DAB2IP: variants seen among roughly 807,000 people sequenced by gnomAD.
DAB2IP encodes DAB2 interacting protein, also known as disabled homolog 2-interacting protein.
In DAB2IP, 28 loss-of-function variants were observed where a neutral mutation model predicts 107.2. That is an observed-to-expected ratio of 0.26 (90% CI 0.19 to 0.36). The LOEUF (loss-of-function observed/expected upper bound fraction) is 0.36. DAB2IP is among the 10% of genes least tolerant of loss of function. The probability of loss-of-function intolerance (pLI) is 1.00; values close to 1 mark genes in which losing one functional copy is unlikely to be tolerated. For missense variants in DAB2IP, 1,400 were observed against 1,644.7 expected (o/e 0.85, Z 2.57); for synonymous variants, 755 against 706.4 (o/e 1.07, Z -1.09).
chr9:121,616,658 G>C (rs1417262367), intron 1 of DAB2IP, among the ~76,000 whole-genome samples: 1 of 152,214 alleles, frequency 6.6e-6, no homozygotes, highest in Non-Finnish European at 1.5e-5. Context: ...TTGCTGAAGG[G>C]AAGTAAGGAG....
chr9:121,571,220 G>A lies in DAB2IP; in HGVS notation c.40+3992G>A, dbSNP rs115982071. Among the ~76,000 whole-genome samples, 1,096 of 152,092 alleles carry A rather than the reference G, an allele frequency of 7.2e-3. 25 individuals are homozygous for A. The highest frequency in any genetic ancestry group is 0.025 in the African/African-American group (1,053 of 41,410). On this transcript the variant is annotated intron_variant, in intron 1 of 16. Transcript: ENST00000259371. ...AGGCCCTCTTTTCCTTTATGGACGT[G>A]TTCATATGTGCACTACACATTATTG...
intron 3 of DAB2IP, among the ~76,000 whole-genome samples, chr9:121,716,319 G>A (rs1196324309): frequency 6.6e-6 from 1 of 152,216 alleles, no homozygotes; most frequent in Non-Finnish European, 1.5e-5. Flanking sequence ...AGAGCCTGGT[G>A]CTCAGCTGAA....
chr9:121,613,417 G>C (rs1331151956), intron 1 of DAB2IP, among the ~76,000 whole-genome samples: 1 of 152,168 alleles, frequency 6.6e-6, no homozygotes, highest in African/African-American at 2.4e-5. Flanking sequence ...GCATTGTTTA[G>C]TTAATTACCA....
At chr9:121,783,916 G>A in exon 16 of DAB2IP, 1 of 303,944 alleles carries the variant, frequency 3.3e-6, no homozygotes, top group Non-Finnish European at 6.3e-6. Flanking sequence ...CCCTGGGTAA[G>A]AAGGGTGGGA....
intron 3 of DAB2IP, among the ~76,000 whole-genome samples, chr9:121,718,833 T>G (rs1830759958): frequency 6.6e-6 from 1 of 152,216 alleles, no homozygotes; most frequent in South Asian, 2.1e-4. Flanking sequence ...GATTCCTACT[T>G]TGATCATACC....
chr9:121,735,478 C>T (rs1171897923), intron 3 of DAB2IP, among the ~76,000 whole-genome samples: 1 of 152,230 alleles, frequency 6.6e-6, no homozygotes, highest in African/African-American at 2.4e-5. Flanking sequence ...TTTGCTAAAA[C>T]AGTGGCGCAG....
intron 3 of DAB2IP, among the ~76,000 whole-genome samples, chr9:121,728,587 AAT>A (rs2118845101): frequency 6.6e-6 from 1 of 150,838 alleles, no homozygotes; most frequent in Non-Finnish European, 1.5e-5. Flanking sequence ...CCATGCCAAG[AAT>A]ACATACCCAA....
chr9:121,733,636 G>T (rs1831678451), intron 3 of DAB2IP, among the ~76,000 whole-genome samples: 2 of 152,240 alleles, frequency 1.3e-5, no homozygotes, highest in Non-Finnish European at 2.9e-5. Flanking sequence ...GCAGTAGCCA[G>T]GAGAAGGGAG....
intron 1 of DAB2IP, among the ~76,000 whole-genome samples, chr9:121,661,860 G>A (rs948080762): frequency 6.6e-6 from 1 of 151,970 alleles, no homozygotes; most frequent in African/African-American, 2.4e-5. Flanking sequence ...ACAGGCCTGT[G>A]GTGTTAACTG....
At chr9:121,742,001 G>C (rs758391604) in intron 3 of DAB2IP, among the ~76,000 whole-genome samples, 1 of 151,976 alleles carries the variant, frequency 6.6e-6, no homozygotes, top group Non-Finnish European at 1.5e-5. Flanking sequence ...TTACCATCAG[G>C]CTACACATTC....
chr9:121,601,693 T>C (rs1000287447), intron 1 of DAB2IP, among the ~76,000 whole-genome samples: 2 of 152,142 alleles, frequency 1.3e-5, no homozygotes, highest in Admixed American at 6.5e-5. Context: ...CTTGCACCCA[T>C]AAAACAAACC....
intron 1 of DAB2IP, among the ~76,000 whole-genome samples, chr9:121,580,710 C>T (rs982528186): frequency 3.3e-5 from 5 of 152,086 alleles, no homozygotes; most frequent in Non-Finnish European, 7.4e-5. Flanking sequence ...CTGCAAGCTC[C>T]GCCTCTCAGG....
intron 1 of DAB2IP, among the ~76,000 whole-genome samples, chr9:121,616,683 G>T (rs923666907): frequency 6.6e-6 from 1 of 152,234 alleles, no homozygotes; most frequent in Non-Finnish European, 1.5e-5. Context: ...AAGGCAAATT[G>T]TCAGGTCTGA....
At chr9:121,768,195 G>C (rs1176426306) in intron 9 of DAB2IP, among the ~76,000 whole-genome samples, 1 of 152,184 alleles carries the variant, frequency 6.6e-6, no homozygotes, top group Non-Finnish European at 1.5e-5. Flanking sequence ...GCAGTGTATG[G>C]GGGACACAGA....
intron 1 of DAB2IP, among the ~76,000 whole-genome samples, chr9:121,610,464 G>C (rs563568938): frequency 3.3e-5 from 5 of 152,278 alleles, no homozygotes; most frequent in Non-Finnish European, 7.3e-5. Flanking sequence ...GAGAGGAGGA[G>C]TGACTTGCCT....
At chr9:121,646,900 C>G (rs1196980106), upstream of DAB2IP, among the ~76,000 whole-genome samples, 1 of 152,194 alleles carries the variant, frequency 6.6e-6, no homozygotes, top group Non-Finnish European at 1.5e-5. Flanking sequence ...CTTTAGGGAA[C>G]TCACCTACCC....
At chr9:121,620,747 C>G (rs1831432794) in intron 1 of DAB2IP, among the ~76,000 whole-genome samples, 1 of 152,122 alleles carries the variant, frequency 6.6e-6, no homozygotes, top group Non-Finnish European at 1.5e-5. Flanking sequence ...CTGTTGACAC[C>G]GCTTGACCCT....
chr9:121,720,784 C>T (rs1830881122), intron 3 of DAB2IP, among the ~76,000 whole-genome samples: 1 of 152,154 alleles, frequency 6.6e-6, no homozygotes, highest in African/African-American at 2.4e-5. Context: ...AGGGCTCCAC[C>T]CAGCAGGAGC....
At chr9:121,728,419 C>T (rs565576243) in intron 3 of DAB2IP, among the ~76,000 whole-genome samples, 2 of 152,232 alleles carry the variant, frequency 1.3e-5, no homozygotes, top group Non-Finnish European at 2.9e-5. Context: ...TCCCGTTCCA[C>T]TGCAGCTTTT....
Sources: allele counts gnomAD v4.1 joint callset (sites outside exome capture counted in the v4.1 genomes callset), GRCh38; gene constraint gnomAD v4.1.1; transcripts MANE v1.5; gene names NCBI Gene and HGNC (gene_info 2026-07-23, HGNC 2026-07-21).